Variants in BRI3BP observed in about 807,000 individuals in gnomAD.
BRI3BP encodes BRI3 binding protein, also known as BRI3-binding protein.
BRI3BP carries 7 observed loss-of-function variants against 15.8 expected under a neutral mutation model. That is an observed-to-expected ratio of 0.44 (90% CI 0.25 to 0.83). BRI3BP has a LOEUF of 0.83. Among genes scored for constraint, BRI3BP ranks in the 40% least tolerant of loss-of-function variants. The pLI, the probability that BRI3BP is intolerant of heterozygous loss-of-function variation, is 0.20. For synonymous variants in BRI3BP, 192 were observed against 163.5 expected (o/e 1.17, Z -1.33); for missense variants, 320 against 339.3 (o/e 0.94, Z 0.45).
intron 1 of BRI3BP, among the ~76,000 whole-genome samples, chr12:125,003,997 ACACAC>A (rs879878762): frequency 0.22 from 6,140 of 28,446 alleles, 208 homozygotes; most frequent in South Asian, 0.28. Context: ...ACACACACAC[ACACAC>A]AACACACAAT....
In BRI3BP at chr12:125,025,107, T is replaced by C. The variant is rs774382507; in HGVS notation, c.433T>C (p.Phe145Leu). 6.2e-6 allele frequency: 10 copies of C among 1,613,904 alleles called. 1 individual carries two copies. In the East Asian group the frequency reaches 2.2e-4, roughly 36 times the overall value. The change falls in exon 3 of 3, where the codon TTC becomes CTC. Residue 145 changes from phenylalanine (F) to leucine (L), a missense_variant. Coordinates refer to ENST00000341446, the MANE Select transcript of BRI3BP (RefSeq NM_080626.6). ...CTGGTTCTTGTCCCTGACCCTGGGC[T>C]TCACTTTCAGCGTCCTGCACGTGGT... ...AYWFLSLTLG[F>L]TFSVLHVVFG...
chr12:125,038,718 T>C, the BRI3BP span, among the ~76,000 whole-genome samples: 1 of 152,096 alleles, frequency 6.6e-6, no homozygotes, highest in Non-Finnish European at 1.5e-5. Context: ...TGAGCCGAGA[T>C]CGTGCCATTG....
At chr12:125,012,724 A>G in intron 2 of BRI3BP, 88 bp downstream of exon 2, 4 of 1,049,936 alleles carry the variant, frequency 3.8e-6, no homozygotes, top group Non-Finnish European at 6.0e-6. Flanking sequence ...TGAGTAATAC[A>G]TGAGAAGGTT....
chr12:125,006,872 T>G (rs1955148554), intron 1 of BRI3BP, among the ~76,000 whole-genome samples: 1 of 152,308 alleles, frequency 6.6e-6, no homozygotes, highest in African/African-American at 2.4e-5. Context: ...CAAAAACCTT[T>G]CTTTTTCCCT....
At chr12:124,999,203 A>G (rs1338964565) in intron 1 of BRI3BP, among the ~76,000 whole-genome samples, 1 of 152,174 alleles carries the variant, frequency 6.6e-6, no homozygotes, top group East Asian at 1.9e-4. Flanking sequence ...TCGAGAAACT[A>G]GTACTTTTTT....
At chr12:125,038,378 T>C in the BRI3BP span, among the ~76,000 whole-genome samples, 1 of 152,224 alleles carries the variant, frequency 6.6e-6, no homozygotes, top group Non-Finnish European at 1.5e-5. Flanking sequence ...AAGCATCCGA[T>C]GTTTGACACT....
chr12:125,024,883 G>A (rs531231937), intron 2 of BRI3BP, 108 bp from the exon 3 acceptor site: 3 of 955,386 alleles, frequency 3.1e-6, no homozygotes, highest in Admixed American at 5.5e-5. Flanking sequence ...TTTGGTTGTT[G>A]CAAAGGCCTT....
Position 125,012,195 on chromosome 12 carries a change from G to C in BRI3BP, c.214-339G>C, listed in dbSNP as rs117882726. The stretch of plus-strand genomic sequence containing the variant: ...AGACCCTGTCTCTTTAGAGAAATCA[G>C]GCAGAGGAAGGCAGAGATCCTGACC... On this transcript the variant is annotated intron_variant, in intron 1 of 2. Transcript: ENST00000341446. 3.1e-3 allele frequency among the ~76,000 whole-genome samples: 477 copies of C among 152,214 alleles called. 16 individuals are homozygous for C. In the East Asian group the frequency reaches 0.068, roughly 22 times the overall value.
At chr12:124,997,236 G>C (rs1379369051) in intron 1 of BRI3BP, among the ~76,000 whole-genome samples, 1 of 11,312 alleles carries the variant, frequency 8.8e-5, no homozygotes, top group African/African-American at 1.4e-3. Flanking sequence ...TTTTTTTTGA[G>C]ATGCAGTCTC....
intron 1 of BRI3BP, among the ~76,000 whole-genome samples, chr12:125,003,255 G>A (rs1261522565): frequency 6.6e-6 from 1 of 152,018 alleles, no homozygotes; most frequent in Non-Finnish European, 1.5e-5. Context: ...ACCCAACCCC[G>A]GTGTTGGATG....
the BRI3BP span, among the ~76,000 whole-genome samples, chr12:125,036,254 G>A: frequency 6.7e-6 from 1 of 148,844 alleles, no homozygotes; most frequent in African/African-American, 2.5e-5. Context: ...TAGTAGAGAC[G>A]GGGGTTTCAC....
intron 1 of BRI3BP, among the ~76,000 whole-genome samples, chr12:124,998,040 C>T (rs2135985893): frequency 6.6e-6 from 1 of 151,366 alleles, no homozygotes; most frequent in East Asian, 1.9e-4. Context: ...AGGAGAATCG[C>T]TTGAACCCGG....
intron 1 of BRI3BP, among the ~76,000 whole-genome samples, chr12:125,004,221 G>A (rs1475937206): frequency 6.6e-6 from 1 of 152,078 alleles, no homozygotes. Flanking sequence ...CACCCAGACT[G>A]GAGTGCAGTG....
At chr12:125,012,813 C>T (rs932285729) in intron 2 of BRI3BP, among the ~76,000 whole-genome samples, 177 bp downstream of exon 2, 2 of 152,084 alleles carry the variant, frequency 1.3e-5, no homozygotes, top group African/African-American at 2.4e-5. Flanking sequence ...CATGGTGGCT[C>T]ATGCCTGTAA....
intron 1 of BRI3BP, among the ~76,000 whole-genome samples, chr12:125,002,376 C>G (rs1420475630): frequency 6.6e-6 from 1 of 152,096 alleles, no homozygotes; most frequent in African/African-American, 2.4e-5. Flanking sequence ...CTATGGTCTA[C>G]CTTTTTAATT....
chr12:125,012,071 T>C (rs1955201283), intron 1 of BRI3BP, among the ~76,000 whole-genome samples: 1 of 152,130 alleles, frequency 6.6e-6, no homozygotes, highest in Admixed American at 6.5e-5. Context: ...CCTGTAGCCC[T>C]AGCTACTTGG....
At chr12:125,021,236 A>G (rs965852759) in intron 2 of BRI3BP, among the ~76,000 whole-genome samples, 1 of 151,500 alleles carries the variant, frequency 6.6e-6, no homozygotes, top group Admixed American at 6.6e-5. Flanking sequence ...TGCTGTTTAC[A>G]GTGTTGGACT....
At chr12:125,002,620 C>T (rs1955105567) in intron 1 of BRI3BP, among the ~76,000 whole-genome samples, 1 of 152,136 alleles carries the variant, frequency 6.6e-6, no homozygotes, top group Non-Finnish European at 1.5e-5. Flanking sequence ...CCACGCCCAG[C>T]TAATTTTTTG....
At chr12:125,038,657 C>T in the BRI3BP span, among the ~76,000 whole-genome samples, 1 of 151,960 alleles carries the variant, frequency 6.6e-6, no homozygotes, top group Admixed American at 6.6e-5. Flanking sequence ...TCCAGCTACT[C>T]AGGAAGCTGA....
Sources: allele counts gnomAD v4.1 joint callset (sites outside exome capture counted in the v4.1 genomes callset), GRCh38; gene constraint gnomAD v4.1.1; transcripts MANE v1.5; gene names NCBI Gene and HGNC (gene_info 2026-07-23, HGNC 2026-07-21).